Variants in VWA3A observed in about 807,000 individuals in gnomAD.
VWA3A encodes the protein von Willebrand factor A domain containing 3A.
Under a neutral mutation model 160.4 loss-of-function variants are expected in VWA3A, and 134 were observed. The observed-to-expected ratio is 0.84, with a 90% confidence interval of 0.73 to 0.96. VWA3A has a LOEUF of 0.96. VWA3A is among the 40% of genes least tolerant of loss of function. The pLI is 0.00. For synonymous variants in VWA3A, 476 were observed against 543.4 expected, an observed-to-expected ratio of 0.88 and a Z score of 1.72; for missense variants, 1,310 against 1,447.9, an observed-to-expected ratio of 0.90 and a Z score of 1.55.
At chr16:22,127,662 T>G (rs1243326132) in intron 17 of VWA3A, among the ~76,000 whole-genome samples, 1 of 152,050 alleles carries the variant, frequency 6.6e-6, no homozygotes, top group African/African-American at 2.4e-5. Context: ...GATAAGGAAT[T>G]TTATTTATTT....
At position 22,109,615 on chromosome 16, in the gene VWA3A, C is replaced by T. The variant is rs549153903; in HGVS notation, c.582+35C>T. 98 of 1,567,210 alleles carry T rather than the reference C, an allele frequency of 6.3e-5. No individual in the cohort carries two copies. In the South Asian group the frequency reaches 1.1e-3, roughly 17 times the overall value. ...TCTGGCACAGAGAAACACCTGGAAC[C>T]ACCCACTACCCCCAGCCTTTCCTTC... is the stretch of plus-strand genomic sequence containing the variant. On this transcript the variant is annotated intron_variant, in intron 7 of 33. Transcript: ENST00000389398.
At chr16:22,116,254 AAG>A (rs899311358) in intron 9 of VWA3A, 27 of 410,464 alleles carry the variant, frequency 6.6e-5, no homozygotes, top group African/African-American at 2.2e-4. Context: ...GGAAAGATGG[AAG>A]AGAGAGAAAG....
intron 31 of VWA3A, among the ~76,000 whole-genome samples, chr16:22,155,331 C>T (rs550505136): frequency 1.7e-4 from 26 of 152,162 alleles, no homozygotes; most frequent in Admixed American, 5.9e-4. Context: ...ACTTTGCCAC[C>T]GTCCCCTCCC....
chr16:22,115,343 C>T lies in VWA3A; in HGVS notation c.690-4C>T. On this transcript the variant is annotated splice_polypyrimidine_tract_variant and splice_region_variant and intron_variant, in intron 8 of 33. Coordinates refer to ENST00000389398, the MANE Select transcript of VWA3A (RefSeq NM_173615.5). ...ATTAGGTTGCTGTTGTTGTCTCCTC[C>T]CAGCCTCCAGGAACTTAAGCTCTGG... The T allele has an allele frequency of 1.3e-6, 2 of 1,586,524 alleles. No individual in the cohort carries two copies. Among genetic ancestry groups the T allele is most frequent in the Non-Finnish European group, 8.6e-7 (1 of 1,167,950 alleles).
intron 24 of VWA3A, among the ~76,000 whole-genome samples, chr16:22,142,415 A>G (rs1299862440): frequency 1.3e-5 from 2 of 152,052 alleles, no homozygotes; most frequent in African/African-American, 4.8e-5. Context: ...ATGGAGAGAG[A>G]GGAAACAAGA....
intron 5 of VWA3A, among the ~76,000 whole-genome samples, chr16:22,102,911 G>A (rs889596761): frequency 6.6e-6 from 1 of 152,120 alleles, no homozygotes; most frequent in Non-Finnish European, 1.5e-5. Context: ...TTGAAGTCTG[G>A]GAGGGCCTGA....
intron 17 of VWA3A, among the ~76,000 whole-genome samples, chr16:22,126,657 C>T (rs547491085): frequency 2.0e-5 from 3 of 152,226 alleles, no homozygotes; most frequent in Admixed American, 6.5e-5. Context: ...CTGTCTCCAG[C>T]AAGCCATACC....
At chr16:22,114,335 C>T (rs935643959) in intron 8 of VWA3A, among the ~76,000 whole-genome samples, 1 of 152,176 alleles carries the variant, frequency 6.6e-6, no homozygotes, top group Non-Finnish European at 1.5e-5. Context: ...GTACCCCAAC[C>T]CATGTGGGAC....
At chr16:22,120,888 G>T in intron 12 of VWA3A, 80 bp from the exon 13 acceptor site, 1 of 1,544,208 alleles carries the variant, frequency 6.5e-7, no homozygotes, top group Non-Finnish European at 8.8e-7. Context: ...CACTTGCATT[G>T]ACTGGGTGGA....
intron 24 of VWA3A, 24 bp from the exon 25 acceptor site, chr16:22,142,644 A>T (rs981140434): frequency 1.3e-6 from 2 of 1,536,242 alleles, no homozygotes; most frequent in African/African-American, 2.7e-5. Flanking sequence ...AACTATAGCA[A>T]TGACCTCACT....
intron 21 of VWA3A, among the ~76,000 whole-genome samples, chr16:22,137,573 T>C (rs983307736): frequency 1.3e-5 from 2 of 152,170 alleles, no homozygotes; most frequent in Admixed American, 6.6e-5. Context: ...ACAGAGACAC[T>C]GGGTTGCAGC....
At chr16:22,111,158 T>C (rs1307824247) in intron 8 of VWA3A, among the ~76,000 whole-genome samples, 164 bp downstream of exon 8, 1 of 152,136 alleles carries the variant, frequency 6.6e-6, no homozygotes, top group Non-Finnish European at 1.5e-5. Context: ...GAAAGATGTC[T>C]ACCCTCGTGA....
At chr16:22,094,323 T>G (rs567567491) in intron 1 of VWA3A, among the ~76,000 whole-genome samples, 1 of 152,096 alleles carries the variant, frequency 6.6e-6, no homozygotes, top group East Asian at 1.9e-4. Flanking sequence ...AAGCCAGTTT[T>G]TTTTTTTTTT....
chr16:22,093,352 A>G (rs1901405459), intron 1 of VWA3A, among the ~76,000 whole-genome samples: 1 of 152,204 alleles, frequency 6.6e-6, no homozygotes, highest in South Asian at 2.1e-4. Context: ...GTGAATATAT[A>G]TAGTGAAACA....
chr16:22,151,942 C>T (rs1466943502), intron 30 of VWA3A, among the ~76,000 whole-genome samples: 2 of 152,142 alleles, frequency 1.3e-5, no homozygotes, highest in Non-Finnish European at 2.9e-5. Context: ...AGCACGACGG[C>T]TCATGACTGT....
chr16:22,130,721 A>C (rs1327168187), intron 17 of VWA3A, among the ~76,000 whole-genome samples: 1 of 152,132 alleles, frequency 6.6e-6, no homozygotes, highest in Non-Finnish European at 1.5e-5. Context: ...CTCCCACCTC[A>C]GCCTCCTAAG....
At chr16:22,099,355 G>C (rs1041833202) in intron 3 of VWA3A, among the ~76,000 whole-genome samples, 1 of 152,154 alleles carries the variant, frequency 6.6e-6, no homozygotes, top group Non-Finnish European at 1.5e-5. Context: ...CTAGTTTAGA[G>C]GGACAACATA....
At chr16:22,152,916 C>T (rs1323965784) in intron 31 of VWA3A, among the ~76,000 whole-genome samples, 1 of 152,218 alleles carries the variant, frequency 6.6e-6, no homozygotes, top group Non-Finnish European at 1.5e-5. Context: ...GGGAAAGAAG[C>T]AGGATTTGAG....
intron 6 of VWA3A, among the ~76,000 whole-genome samples, chr16:22,108,587 G>A (rs1164420453): frequency 6.6e-6 from 1 of 152,162 alleles, no homozygotes; most frequent in African/African-American, 2.4e-5. Context: ...GGAGGTGTGA[G>A]AGGAGATGTA....
Sources: gnomAD v4.1 joint callset for allele counts (sites outside exome capture counted in the v4.1 genomes callset) on GRCh38, gnomAD v4.1.1 for gene constraint, MANE v1.5 for transcripts, NCBI Gene and HGNC (gene_info 2026-07-23, HGNC 2026-07-21) for gene names.